TAB2: variants seen among roughly 807,000 people sequenced by gnomAD.
TAB2 encodes the protein TGF-beta-activated kinase 1 and MAP3K7-binding protein 2.
Under a neutral mutation model 65.0 loss-of-function variants are expected in TAB2, and 3 were observed. The observed-to-expected ratio is 0.05, with a 90% CI of 0.02 to 0.12. TAB2 has a LOEUF of 0.12. Among genes scored for constraint, TAB2 ranks in the 10% least tolerant of loss-of-function variants. TAB2 has a pLI of 1.00. For missense variants in TAB2, 623 were observed against 840.3 expected (o/e 0.74, Z 3.20); for synonymous variants, 298 against 285.1 (o/e 1.05, Z -0.46).
At chr6:149,398,768 G>A (rs570626796) in intron 5 of TAB2, among the ~76,000 whole-genome samples, 6 of 151,936 alleles carry the variant, frequency 3.9e-5, no homozygotes, top group Non-Finnish European at 8.8e-5. Context: ...ATGTTTGATC[G>A]TTTAAAATTA....
chr6:149,349,471 T>C (rs543914395), intron 1 of TAB2, among the ~76,000 whole-genome samples: 1 of 149,894 alleles, frequency 6.7e-6, no homozygotes, highest in South Asian at 2.1e-4. Flanking sequence ...AAATCAGTAA[T>C]GTGACTGGGT....
intron 1 of TAB2, among the ~76,000 whole-genome samples, chr6:149,357,165 C>T (rs746738417): frequency 5.3e-5 from 8 of 152,098 alleles, no homozygotes; most frequent in Non-Finnish European, 8.8e-5. Context: ...CTCCTGTAAT[C>T]CCAGCACTTT....
chr6:149,384,252 ATTTTTTC>A (rs1781714541), intron 3 of TAB2, among the ~76,000 whole-genome samples: 2 of 152,166 alleles, frequency 1.3e-5, no homozygotes, highest in Non-Finnish European at 2.9e-5. Context: ...ACCAAAATGC[ATTTTTTC>A]TTTTTTCTTT....
chr6:149,298,802 G>A lies in TAB2; in HGVS notation c.-120-79216G>A, dbSNP rs114558594. On this transcript the variant is annotated intron_variant, in intron 1 of 1. Transcript: ENST00000606202. Reference sequence around the variant, plus strand: ...CACACATGCACACGCACAAAGAAACGTTAATTTTTCTTATTTCAGACATTA... The same window carrying A: ...CACACATGCACACGCACAAAGAAACATTAATTTTTCTTATTTCAGACATTA... Among the ~76,000 whole-genome samples, 1,148 of 152,164 alleles carry A rather than the reference G, an allele frequency of 7.5e-3. 10 individuals are homozygous for A. The highest frequency in any genetic ancestry group is 0.024 in the African/African-American group (1,012 of 41,530).
chr6:149,365,692 AT>A (rs1309154779), intron 1 of TAB2, among the ~76,000 whole-genome samples: 2 of 151,456 alleles, frequency 1.3e-5, no homozygotes, highest in South Asian at 2.1e-4. Context: ...ATTTCTTCAA[AT>A]TTTTTTTCTA....
chr6:149,287,352 A>G (rs1043671673), intron 1 of TAB2, among the ~76,000 whole-genome samples: 2 of 152,210 alleles, frequency 1.3e-5, no homozygotes, highest in East Asian at 3.8e-4. Context: ...ATAAAGCTGG[A>G]GAAAGCCCTG....
intron 1 of TAB2, among the ~76,000 whole-genome samples, chr6:149,346,137 T>G (rs1429761811): frequency 2.0e-5 from 3 of 152,048 alleles, no homozygotes; most frequent in Non-Finnish European, 2.9e-5. Context: ...GGTGGATGGG[T>G]GGATGGATAG....
chr6:149,256,045 A>T (rs1230737313), intron 1 of TAB2, among the ~76,000 whole-genome samples: 1 of 152,202 alleles, frequency 6.6e-6, no homozygotes, highest in Non-Finnish European at 1.5e-5. Context: ...AGTTGATTGT[A>T]CCTTCAAGCC....
chr6:149,236,173 G>A (rs1218544147), intron 1 of TAB2, among the ~76,000 whole-genome samples: 1 of 152,050 alleles, frequency 6.6e-6, no homozygotes, highest in African/African-American at 2.4e-5. Context: ...AAAATACCAG[G>A]CTTCACCACT....
At chr6:149,310,078 TC>T (rs1779142692) in intron 1 of TAB2, among the ~76,000 whole-genome samples, 1 of 123,718 alleles carries the variant, frequency 8.1e-6, no homozygotes, top group Non-Finnish European at 1.7e-5. Flanking sequence ...ATGCCTGAAA[TC>T]CCGGCAATTT....
At chr6:149,296,216 G>T (rs573364313) in intron 1 of TAB2, among the ~76,000 whole-genome samples, 1 of 152,294 alleles carries the variant, frequency 6.6e-6, no homozygotes, top group African/African-American at 2.4e-5. Flanking sequence ...AACTGACTAG[G>T]GGATTTGAAC....
chr6:149,250,282 G>A (rs1777831804), intron 1 of TAB2, among the ~76,000 whole-genome samples: 1 of 151,058 alleles, frequency 6.6e-6, no homozygotes, highest in African/African-American at 2.5e-5. Context: ...ACCTTAGTGT[G>A]TAGACAGTGA....
intron 1 of TAB2, among the ~76,000 whole-genome samples, chr6:149,263,631 T>A (rs1778199978): frequency 6.6e-6 from 1 of 152,244 alleles, no homozygotes; most frequent in Non-Finnish European, 1.5e-5. Flanking sequence ...ATATTCCAAA[T>A]GAACGGCATG....
chr6:149,243,986 C>T (rs1227864418), intron 1 of TAB2: 1 of 152,246 alleles, frequency 6.6e-6, no homozygotes, highest in Non-Finnish European at 1.5e-5. Flanking sequence ...AATGGAAAGA[C>T]TCTTCCAGTG....
intron 1 of TAB2, among the ~76,000 whole-genome samples, chr6:149,243,144 G>A (rs952952108): frequency 6.6e-6 from 1 of 152,166 alleles, no homozygotes; most frequent in Non-Finnish European, 1.5e-5. Flanking sequence ...AAATCTGCTC[G>A]TATGCACCCA....
intron 3 of TAB2, among the ~76,000 whole-genome samples, chr6:149,396,438 C>T (rs1782174349): frequency 6.6e-6 from 1 of 152,178 alleles, no homozygotes; most frequent in Non-Finnish European, 1.5e-5. Flanking sequence ...CACCAACTGT[C>T]TTTGTATGTA....
intron 3 of TAB2, among the ~76,000 whole-genome samples, chr6:149,396,110 C>G (rs237031): frequency 6.6e-6 from 1 of 151,304 alleles, no homozygotes; most frequent in African/African-American, 2.4e-5. Flanking sequence ...CTCTGCCTCC[C>G]GGGTTCAAGC....
chr6:149,257,898 C>T (rs958476566), intron 1 of TAB2, among the ~76,000 whole-genome samples: 2 of 152,236 alleles, frequency 1.3e-5, no homozygotes, highest in East Asian at 3.9e-4. Context: ...ACGACGGGTA[C>T]ACAGACTGGT....
intron 1 of TAB2, among the ~76,000 whole-genome samples, chr6:149,319,637 C>T (rs1490030296): frequency 6.6e-6 from 1 of 152,114 alleles, no homozygotes. Flanking sequence ...GGGTTTTTCC[C>T]CCATAGGTCT....
Sources: allele counts gnomAD v4.1 joint callset (sites outside exome capture counted in the v4.1 genomes callset), GRCh38; gene constraint gnomAD v4.1.1; transcripts MANE v1.5; gene names NCBI Gene and HGNC (gene_info 2026-07-23, HGNC 2026-07-21).